Variants in USP43 observed in about 807,000 individuals in gnomAD.
The protein encoded by USP43 is ubiquitin carboxyl-terminal hydrolase 43.
A neutral mutation model predicts 90.7 loss-of-function variants in USP43; 33 were observed. The observed-to-expected ratio is 0.36, with a 90% confidence interval of 0.28 to 0.49. The LOEUF (loss-of-function observed/expected upper bound fraction) is 0.49, where lower values mean the gene tolerates loss of function less well. Among genes scored for constraint, USP43 ranks in the 20% least tolerant of loss-of-function variants. USP43 has a pLI of 0.98. For synonymous variants in USP43, 598 were observed against 615.8 expected, an observed-to-expected ratio of 0.97 and a Z score of 0.43; for missense variants, 1,274 against 1,476.4, an observed-to-expected ratio of 0.86 and a Z score of 2.25.
intron 2 of USP43, among the ~76,000 whole-genome samples, chr17:9,666,344 A>G (rs1051177328): frequency 6.6e-6 from 1 of 152,126 alleles, no homozygotes; most frequent in Non-Finnish European, 1.5e-5. Flanking sequence ...GACAGAAATA[A>G]CGCGCAGGGC....
intron 14 of USP43, among the ~76,000 whole-genome samples, chr17:9,716,297 ATATAAG>A (rs1916568572): frequency 1.3e-5 from 2 of 152,272 alleles, no homozygotes; most frequent in Admixed American, 1.3e-4. Context: ...ACAATTATAT[ATATAAG>A]TATATGTAAG....
intron 13 of USP43, among the ~76,000 whole-genome samples, chr17:9,710,918 A>G (rs1222326706): frequency 7.2e-6 from 1 of 138,770 alleles, no homozygotes; most frequent in Non-Finnish European, 1.5e-5. Context: ...CTTTGGGACA[A>G]GAGAGCATTA....
chr17:9,723,534 TCC>T (rs1917078727), intron 14 of USP43, among the ~76,000 whole-genome samples: 2 of 19,746 alleles, frequency 1.0e-4, no homozygotes, highest in Admixed American at 1.0e-3. Flanking sequence ...TCCCCTCCCC[TCC>T]CCTCCCCTCC....
chr17:9,652,737 T>A (rs569584206), intron 1 of USP43, among the ~76,000 whole-genome samples: 1 of 152,264 alleles, frequency 6.6e-6, no homozygotes, highest in South Asian at 2.1e-4. Context: ...AAGAAATACC[T>A]GCCAAATACT....
rs1184883523 is a variant in USP43, at chr17:9,681,462, T to TTATATATATA, written c.1105+1134_1105+1143dup. 9.8e-3 allele frequency among the ~76,000 whole-genome samples: 180 copies of TTATATATATA among 18,318 alleles called. 5 individuals are homozygous for TTATATATATA. The highest frequency in any genetic ancestry group is 0.012 in the South Asian group (8 of 670). The allele number at this position is 18,318 out of a possible 152,430, so 12.0% of individuals were successfully genotyped here. On this transcript the variant is annotated intron_variant, in intron 6 of 14. Coordinates refer to ENST00000285199, the MANE Select transcript of USP43 (RefSeq NM_153210.5). Reference sequence around the variant, plus strand: ...TATAGATAAATATATATAAAATATATTATATATATATATATATATATATAT... The same window carrying TTATATATATA: ...TATAGATAAATATATATAAAATATATTATATATATATATATATATATATATATATATATAT...
Position 9,686,761 on chromosome 17 carries a change from C to T in USP43, c.1242-37C>T, listed in dbSNP as rs1250085293. On this transcript the variant is annotated intron_variant, in intron 7 of 14. Coordinates refer to ENST00000285199, the MANE Select transcript of USP43 (RefSeq NM_153210.5). The surrounding 1 kb of genome is among the most constrained non-coding windows in gnomAD (Gnocchi z 5.5). Reference sequence around the variant, plus strand: ...TGACTGGTGGATGTTGCTGGTTTTTCCTTTGCTGGGATAACCCGATTTCCT... The same window carrying T: ...TGACTGGTGGATGTTGCTGGTTTTTTCTTTGCTGGGATAACCCGATTTCCT... The T allele has an allele frequency of 7.5e-6, 12 of 1,596,058 alleles. No individual in the cohort carries two copies. The highest frequency in any genetic ancestry group is 9.4e-6 in the Non-Finnish European group (11 of 1,167,184).
In USP43 at chr17:9,729,664, T is replaced by G. The variant is rs1038719450; in HGVS notation, c.*674T>G. 7 of 152,172 alleles carry G rather than the reference T, an allele frequency of 4.6e-5. No homozygotes were observed. The highest frequency in any genetic ancestry group is 1.7e-4 in the African/African-American group (7 of 41,432). 9.4% of individuals were successfully genotyped at this position (152,172 alleles called of 1,614,324 possible). On this transcript the variant is annotated 3_prime_UTR_variant, in exon 15 of 15. Transcript: ENST00000285199. ...TTTAAATATGAGATCTATGTACAAT[T>G]TTAATAAAATCCTGTCCATGAAACA... is the stretch of plus-strand genomic sequence containing the variant.
intron 8 of USP43, among the ~76,000 whole-genome samples, chr17:9,687,484 T>G (rs536749233): frequency 6.6e-6 from 1 of 152,298 alleles, no homozygotes; most frequent in Admixed American, 6.5e-5. Flanking sequence ...TTTGCCTTAT[T>G]TATTTATTCT....
At chr17:9,655,300 A>G (rs2151963157) in intron 1 of USP43, among the ~76,000 whole-genome samples, 1 of 152,276 alleles carries the variant, frequency 6.6e-6, no homozygotes, top group Non-Finnish European at 1.5e-5. Context: ...GTGTGGACAC[A>G]CAGACAAGTG....
At chr17:9,711,909 G>A (rs1025747408) in intron 13 of USP43, 59 bp from the exon 14 acceptor site, 44 of 1,497,072 alleles carry the variant, frequency 2.9e-5, no homozygotes, top group Non-Finnish European at 3.7e-5. Context: ...GAGATGCTCC[G>A]CTAGGACTCT....
chr17:9,686,945 GCA>G lies in USP43; in HGVS notation c.1353+37_1353+38del. ...TGCATGCGTGTGTGTGTGTGTGCGT[GCA>G]TGCGCATGTGCATGCGTGTGTGTGG... On this transcript the variant is annotated intron_variant, in intron 8 of 14. Transcript: ENST00000285199. The surrounding 1 kb of genome is among the most constrained non-coding windows in gnomAD (Gnocchi z 5.5). The G allele has an allele frequency of 6.4e-7, 1 of 1,566,724 alleles. No homozygotes were observed. The highest frequency in any genetic ancestry group is 8.7e-7 in the Non-Finnish European group (1 of 1,143,276).
intron 9 of USP43, among the ~76,000 whole-genome samples, chr17:9,698,407 C>T (rs1427637762): frequency 1.3e-5 from 2 of 152,202 alleles, no homozygotes; most frequent in African/African-American, 4.8e-5. Context: ...CCAAGTCCTG[C>T]CCCATCTGTC....
rs745449130 is a variant in USP43 at position 9,682,852 on chromosome 17, C to T, written c.1135C>T (p.Arg379Cys). Residue 379 changes from arginine to cysteine, a missense_variant, in exon 7 of 15, where the codon CGC becomes TGC. Physicochemically the swap from Arg to Cys is radical, Grantham distance 180. Coordinates refer to ENST00000285199, the MANE Select transcript of USP43 (RefSeq NM_153210.5). ...AHPLGLSASP[R>C]LAAREGQRFS... ...TCCACTGGGTCTGTCGGCCTCCCCA[C>T]GCCTGGCAGCCCGTGAGGGCCAGCG... is the stretch of plus-strand genomic sequence containing the variant. 1.4e-5 allele frequency: 23 copies of T among 1,613,894 alleles called. No individual in the cohort carries two copies. The highest frequency in any genetic ancestry group is 1.6e-4 in the Middle Eastern group (1 of 6,084).
At position 9,699,308 on chromosome 17, in the gene USP43, C is replaced by T. The variant is rs1206833641; in HGVS notation, c.1458-864C>T. Among the ~76,000 whole-genome samples, 3 of 137,206 alleles carry T rather than the reference C, an allele frequency of 2.2e-5. No individual in the cohort carries two copies. In the East Asian group the frequency reaches 8.6e-4, roughly 40 times the overall value. The allele number at this position is 137,206 out of a possible 152,430, so 90.0% of individuals were successfully genotyped here. A position where few individuals can be genotyped will look rare whatever the true frequency, so the allele number is the denominator to read the frequency against. On this transcript the variant is annotated intron_variant, in intron 9 of 14. Coordinates refer to ENST00000285199, the MANE Select transcript of USP43 (RefSeq NM_153210.5). ...GTGTTTTTCCCAATGCATCAGGGCTCCCTGGGCTGGGAGAACTTCTCCCAG... is the reference window on the plus strand; with the variant it reads ...GTGTTTTTCCCAATGCATCAGGGCTTCCTGGGCTGGGAGAACTTCTCCCAG...
chr17:9,661,963 C>T (rs916018620), intron 2 of USP43, among the ~76,000 whole-genome samples: 3 of 152,124 alleles, frequency 2.0e-5, no homozygotes, highest in Middle Eastern at 3.2e-3. Context: ...AGGAGCCCCA[C>T]GCTCAATGAC....
At chr17:9,703,765 A>G (rs2035312608) in intron 12 of USP43, among the ~76,000 whole-genome samples, 1 of 152,162 alleles carries the variant, frequency 6.6e-6, no homozygotes, top group Non-Finnish European at 1.5e-5. Flanking sequence ...TAAATGGCAG[A>G]GTCTGGGCTT....
Position 9,700,236 on chromosome 17 carries a change from T to G in USP43, c.1522T>G (p.Ser508Ala), listed in dbSNP as rs750348771. The G allele has an allele frequency of 5.0e-6, 8 of 1,600,744 alleles. No individual in the cohort carries two copies. The South Asian group carries it at 7.9e-5, about 16-fold the overall frequency. ...CAAGCTGGCGGTGGAGTGGGATAGCTCTGTCAAGGAGCGGTGAGTTCAAGG... is the reference window on the plus strand; with the variant it reads ...CAAGCTGGCGGTGGAGTGGGATAGCGCTGTCAAGGAGCGGTGAGTTCAAGG... ...HVKLAVEWDS[S>A]VKERLFGSLQ... is the part of the protein sequence containing the mutation. Residue 508 changes from serine to alanine, a missense_variant, in exon 10 of 15, where the codon TCT (serine) becomes GCT (alanine). By Grantham distance (99) the Ser-to-Ala change is moderately conservative. Coordinates refer to ENST00000285199, the MANE Select transcript of USP43 (RefSeq NM_153210.5).
At chr17:9,703,736 G>A (rs1915710883) in intron 12 of USP43, among the ~76,000 whole-genome samples, 1 of 152,202 alleles carries the variant, frequency 6.6e-6, no homozygotes, top group Non-Finnish European at 1.5e-5. Flanking sequence ...TTTCCCTGAA[G>A]ACAATTTGCA....
intron 14 of USP43, 148 bp from the exon 15 acceptor site, chr17:9,727,806 G>A: frequency 1.2e-6 from 1 of 850,462 alleles, no homozygotes; most frequent in Non-Finnish European, 1.8e-6. Flanking sequence ...GTTCCCCAAA[G>A]GCAGGAACCC....
Sources: gnomAD v4.1 joint callset for allele counts (sites outside exome capture counted in the v4.1 genomes callset) on GRCh38, gnomAD v4.1.1 for gene constraint, Gnocchi (gnomAD v3.1) non-coding constraint, MANE v1.5 for transcripts, NCBI Gene and HGNC (gene_info 2026-07-23, HGNC 2026-07-21) for gene names.